The following NFRKB variants were observed in gnomAD, a reference collection of about 807,000 sequenced individuals.
NFRKB encodes the protein nuclear factor related to kappa-B-binding protein.
In NFRKB, 62 loss-of-function variants were observed where a neutral mutation model predicts 135.7. That is an observed-to-expected ratio of 0.46 (90% CI 0.37 to 0.56). The LOEUF (loss-of-function observed/expected upper bound fraction) is 0.56. NFRKB is among the 20% of genes least tolerant of loss of function. The pLI is 0.00. For missense variants in NFRKB, 1,545 were observed against 1,662.0 expected, an observed-to-expected ratio of 0.93 and a Z score of 1.22; for synonymous variants, 678 against 635.6, an observed-to-expected ratio of 1.07 and a Z score of -1.00.
chr11:129,891,074 C>T (rs1949538966), intron 3 of NFRKB, among the ~76,000 whole-genome samples: 1 of 152,090 alleles, frequency 6.6e-6, no homozygotes, highest in Non-Finnish European at 1.5e-5. Context: ...TAAGCATTTC[C>T]AGTGATGTTC....
At position 129,884,162 on chromosome 11, in the gene NFRKB, C is replaced by G. The variant is rs764373362; in HGVS notation, c.743-19G>C. On this transcript the variant is annotated intron_variant, in intron 7 of 26. Transcript: ENST00000682444. ...ACTTTATCTGAGAAAACAAACCAAA[C>G]CATATTCACTATCATGATTCTCCAA... is the stretch of plus-strand genomic sequence containing the variant. The G allele has an allele frequency of 6.2e-7, 1 of 1,609,406 alleles. No homozygotes were observed. The highest frequency in any genetic ancestry group is 1.7e-5 in the Admixed American group (1 of 59,988).
chr11:129,882,286 G>T (rs1319295791), intron 10 of NFRKB, 92 bp from the exon 11 acceptor site: 2 of 1,353,484 alleles, frequency 1.5e-6, no homozygotes, highest in Non-Finnish European at 2.0e-6. Flanking sequence ...AGTCATAAAA[G>T]AGTTCAAGAA....
chr11:129,891,185 G>A lies in NFRKB; in HGVS notation c.135+1530C>T, dbSNP rs182112654. Among the ~76,000 whole-genome samples, 396 of 152,298 alleles carry A rather than the reference G, an allele frequency of 2.6e-3. 1 individual carries two copies. The highest frequency in any genetic ancestry group is 7.3e-3 in the Admixed American group (111 of 15,288). On this transcript the variant is annotated intron_variant, in intron 3 of 26. Coordinates refer to ENST00000682444, the MANE Select transcript of NFRKB (RefSeq NM_001143835.2). The stretch of plus-strand genomic sequence containing the variant: ...TGGGCAAAAGCAACAGCTAGGAGAT[G>A]CAATCGTGCCATGACTGAAAAAAGC...
intron 23 of NFRKB, among the ~76,000 whole-genome samples, chr11:129,871,871 A>C (rs1948526354): frequency 2.0e-5 from 3 of 152,172 alleles, no homozygotes; most frequent in African/African-American, 7.2e-5. Context: ...AATTAACGTC[A>C]AAGTCCCATA....
intron 4 of NFRKB, among the ~76,000 whole-genome samples, chr11:129,887,798 G>T (rs1295158590): frequency 6.6e-6 from 1 of 152,244 alleles, no homozygotes; most frequent in South Asian, 2.1e-4. Context: ...AGCACTTTGG[G>T]AGGCCGAGGC....
chr11:129,876,125 T>C (rs1948755024), intron 17 of NFRKB, among the ~76,000 whole-genome samples: 1 of 152,146 alleles, frequency 6.6e-6, no homozygotes, highest in Admixed American at 6.5e-5. Context: ...GTAATAGAAA[T>C]CAGACATTTT....
chr11:129,872,863 C>T (rs756410568), intron 23 of NFRKB, 21 bp downstream of exon 23: 14 of 1,571,856 alleles, frequency 8.9e-6, no homozygotes, highest in Admixed American at 1.7e-5. Flanking sequence ...TTGAGATCCA[C>T]GTGGAAAGAG....
Position 129,865,116 on chromosome 11 carries a change from C to T in NFRKB, c.3639-15G>A. 1 of 1,605,058 alleles carries T rather than the reference C, an allele frequency of 6.2e-7. No individual in the cohort carries two copies. The highest frequency in any genetic ancestry group is 8.5e-7 in the Non-Finnish European group (1 of 1,174,144). ...ACCCACTGAGGCTGTGGAGGGAAAG[C>T]AGGGGTGAGATATAATGATATCGAC... On this transcript the variant is annotated splice_polypyrimidine_tract_variant and intron_variant, in intron 25 of 26. Transcript: ENST00000682444.
rs1948628359 is a variant in NFRKB, at chr11:129,873,748, G to A, written c.2547C>T (p.Pro849=). Reference sequence around the variant, plus strand: ...TGACCACGGCTTCCCTGTTTACCTGGGGCACTACTTTGGTCTGTGTGGCAG... The same window carrying A: ...TGACCACGGCTTCCCTGTTTACCTGAGGCACTACTTTGGTCTGTGTGGCAG... ...PATATQTKVV[P]QTVMATVPVK... The change falls in exon 22 of 27, where the codon CCC becomes CCT. Residue 849 remains proline (P), a synonymous_variant. Transcript: ENST00000682444. The A allele has an allele frequency of 3.7e-6, 6 of 1,610,908 alleles. No individual in the cohort carries two copies. Among genetic ancestry groups the A allele is most frequent in the African/African-American group, 2.7e-5 (2 of 74,974 alleles).
intron 3 of NFRKB, 102 bp from the exon 4 acceptor site, chr11:129,888,897 T>C (rs1949405763): frequency 1.2e-6 from 1 of 828,600 alleles, no homozygotes; most frequent in Non-Finnish European, 1.9e-6. Flanking sequence ...GATTTACCAA[T>C]TTAACCATTT....
Position 129,875,232 on chromosome 11 carries a change from C to T in NFRKB, c.1854+125G>A, listed in dbSNP as rs79373808. 2.9e-3 allele frequency: 2,448 copies of T among 858,106 alleles called. 40 individuals are homozygous for T. In the African/African-American group the frequency reaches 0.036, roughly 13 times the overall value. 53.2% of individuals were successfully genotyped at this position (858,106 alleles called of 1,614,324 possible). A position where few individuals can be genotyped will look rare whatever the true frequency, so the allele number is the denominator to read the frequency against. The stretch of plus-strand genomic sequence containing the variant: ...AACAGCAAGCGTTTTGATCACTATG[C>T]ATTTTTCAAGGTATGTTTTTCACTT... On this transcript the variant is annotated intron_variant, in intron 18 of 26. Transcript: ENST00000682444.
At chr11:129,887,379 C>T (rs1314613475) in intron 4 of NFRKB, among the ~76,000 whole-genome samples, 1 of 152,158 alleles carries the variant, frequency 6.6e-6, no homozygotes, top group Non-Finnish European at 1.5e-5. Flanking sequence ...GCAAGAGGTA[C>T]CGCAGACACC....
In NFRKB at chr11:129,873,202, C is replaced by T. The variant is rs1948600620; in HGVS notation, c.2551-106G>A. ...CCCCGGAAGCATTGCTCTCAAAGAG[C>T]TTCTAATCCCACAGTACTTAAGGCA... is the stretch of plus-strand genomic sequence containing the variant. On this transcript the variant is annotated intron_variant, in intron 22 of 26. Transcript: ENST00000682444. 9.5e-6 allele frequency: 9 copies of T among 946,510 alleles called. 1 individual carries two copies. The highest frequency in any genetic ancestry group is 1.2e-5 in the Non-Finnish European group (8 of 647,570). The allele number at this position is 946,510 out of a possible 1,614,324, so 58.6% of individuals were successfully genotyped here.
At position 129,869,632 on chromosome 11, in the gene NFRKB, T is replaced by C. The variant is rs759271571; in HGVS notation, c.3393A>G (p.Leu1131=). ...TGGACACAGCAGCATTCATACTGGG[T>C]AAGGACACCGCTGAAGTATGGACAG... ...SGTVHTSAVS[L]PSMNAAVSKT... Residue 1131 remains leucine (L), a synonymous_variant, in exon 24 of 27, where the codon TTA becomes TTG. Transcript: ENST00000682444. 6.2e-6 allele frequency: 10 copies of C among 1,613,992 alleles called. No individual in the cohort carries two copies. The African/African-American group carries it at 1.1e-4, about 17-fold the overall frequency.
intron 13 of NFRKB, 117 bp downstream of exon 13, chr11:129,881,326 T>C: frequency 1.0e-6 from 1 of 986,086 alleles, no homozygotes; most frequent in Admixed American, 2.0e-5. Flanking sequence ...CAAAATAAGG[T>C]CTGATATTGC....
intron 4 of NFRKB, chr11:129,888,202 CAAAAAGTGTGTGTGTACCTAA>C (rs1281415862): frequency 2.0e-6 from 1 of 504,590 alleles, no homozygotes; most frequent in Non-Finnish European, 3.5e-6. Flanking sequence ...TTTTCTGCAG[CAAAAAGTGTGTGTGTACCTAA>C]ACACACACAC....
In NFRKB at chr11:129,863,684, A is replaced by C. The variant is rs1402882843; in HGVS notation, c.*1041T>G. On this transcript the variant is annotated 3_prime_UTR_variant, in exon 27 of 27. Coordinates refer to ENST00000682444, the MANE Select transcript of NFRKB (RefSeq NM_001143835.2). ...TAAAAGGCCATATAGGAAATACTTT[A>C]GGCTTCAGGGCCATCCAGTCTCTAT... 6.5e-6 allele frequency: 1 copy of C among 153,924 alleles called. No individual in the cohort carries two copies. Among genetic ancestry groups the C allele is most frequent in the East Asian group, 1.9e-4 (1 of 5,292 alleles). The allele number at this position is 153,924 out of a possible 1,614,324, so 9.5% of individuals were successfully genotyped here.
At chr11:129,882,685 T>C (rs987587127) in intron 9 of NFRKB, 54 bp from the exon 10 acceptor site, 3 of 1,543,858 alleles carry the variant, frequency 1.9e-6, no homozygotes, top group Non-Finnish European at 2.6e-6. Flanking sequence ...CACAGGGAAG[T>C]GAGGGGTCTT....
chr11:129,895,559 C>A lies in NFRKB; in HGVS notation c.-165G>T, dbSNP rs1473558740. 2 of 152,210 alleles carry A rather than the reference C, an allele frequency of 1.3e-5. No homozygotes were observed. Among genetic ancestry groups the A allele is most frequent in the Non-Finnish European group, 2.9e-5 (2 of 68,074 alleles). 9.4% of individuals were successfully genotyped at this position (152,210 alleles called of 1,614,324 possible). A position where few individuals can be genotyped will look rare whatever the true frequency, so the allele number is the denominator to read the frequency against. ...CTCCGGCCGCGGGCTCCCAGACGCA[C>A]TCGCTCCCGCAAGGAGTCTGGGTGC... On this transcript the variant is annotated 5_prime_UTR_variant, in exon 1 of 27. Coordinates refer to ENST00000682444, the MANE Select transcript of NFRKB (RefSeq NM_001143835.2).
Sources: allele counts gnomAD v4.1 joint callset (sites outside exome capture counted in the v4.1 genomes callset), GRCh38; gene constraint gnomAD v4.1.1; transcripts MANE v1.5; gene names NCBI Gene and HGNC (gene_info 2026-07-23, HGNC 2026-07-21).